PRDM10: variants seen among roughly 807,000 people sequenced by gnomAD.
PRDM10 encodes PR domain zinc finger protein 10.
PRDM10 carries 65 observed loss-of-function variants against 133.1 expected under a neutral mutation model. The observed-to-expected ratio is 0.49, with a 90% CI of 0.40 to 0.60. The LOEUF is 0.60. Among genes scored for constraint, PRDM10 ranks in the 20% least tolerant of loss-of-function variants. The pLI, the probability that PRDM10 is intolerant of heterozygous loss-of-function variation, is 0.00. For synonymous variants in PRDM10, 582 were observed against 580.4 expected (o/e 1.00, Z -0.04); for missense variants, 1,137 against 1,507.1 (o/e 0.75, Z 4.07).
intron 1 of PRDM10, among the ~76,000 whole-genome samples, chr11:129,997,014 C>A (rs370808447): frequency 1.1e-4 from 16 of 152,300 alleles, no homozygotes; most frequent in East Asian, 5.8e-4. Context: ...AACCTCTTTG[C>A]CCCTGAGGCA....
intron 1 of PRDM10, among the ~76,000 whole-genome samples, chr11:129,970,350 A>C (rs543254572): frequency 1.3e-5 from 2 of 152,280 alleles, no homozygotes; most frequent in African/African-American, 4.8e-5. Context: ...GAAAGAGGCG[A>C]AGCGACTTTG....
At chr11:129,985,809 A>AATATATATATATATATATAT (rs1555114095) in intron 1 of PRDM10, among the ~76,000 whole-genome samples, 15 of 61,082 alleles carry the variant, frequency 2.5e-4, no homozygotes, top group African/African-American at 6.5e-4. Context: ...AAAAAAAAAA[A>AATATATATATATATATATAT]ATATATATAT....
At chr11:129,972,997 T>C (rs1481587910) in intron 1 of PRDM10, among the ~76,000 whole-genome samples, 1 of 152,240 alleles carries the variant, frequency 6.6e-6, no homozygotes, top group African/African-American at 2.4e-5. Context: ...AAAATGTTTT[T>C]CACTTTTTTA....
At chr11:129,981,129 C>T (rs923872489) in intron 1 of PRDM10, among the ~76,000 whole-genome samples, 2 of 152,028 alleles carry the variant, frequency 1.3e-5, no homozygotes, top group African/African-American at 4.8e-5. Flanking sequence ...CCCGGGCCTC[C>T]CAAAGTGCTG....
intron 17 of PRDM10, 76 bp from the exon 18 acceptor site, chr11:129,912,301 G>C: frequency 7.3e-7 from 1 of 1,370,522 alleles, no homozygotes; most frequent in Non-Finnish European, 9.8e-7. Flanking sequence ...CAGAGAAAAG[G>C]TTCAGTTAAA....
chr11:129,927,176 CAAAAAAAAAAAAA>C (rs57015735), intron 11 of PRDM10, among the ~76,000 whole-genome samples: 5 of 79,368 alleles, frequency 6.3e-5, no homozygotes, highest in South Asian at 4.6e-4. Flanking sequence ...GACTCTGTCT[CAAAAAAAAAAAAA>C]AAAAAAAAAA....
At chr11:129,903,379 TA>T (rs10713202) in intron 20 of PRDM10, among the ~76,000 whole-genome samples, 83,052 of 149,934 alleles carry the variant, frequency 0.55, 24,251 homozygotes, top group African/African-American at 0.74. Context: ...TAAGGTCATT[TA>T]AAAAAACGCG....
chr11:129,998,279 G>C (rs1939164356), intron 1 of PRDM10, among the ~76,000 whole-genome samples: 1 of 152,038 alleles, frequency 6.6e-6, no homozygotes, highest in Non-Finnish European at 1.5e-5. Flanking sequence ...TACTAGACAG[G>C]ACAGCACAGG....
At position 129,942,555 on chromosome 11, in the gene PRDM10, C is replaced by A. The variant is rs145098486; in HGVS notation, c.837G>T (p.Thr279=). 16 of 1,614,022 alleles carry A rather than the reference C, an allele frequency of 9.9e-6. No homozygotes were observed. The highest frequency in any genetic ancestry group is 1.3e-5 in the Non-Finnish European group (15 of 1,179,954). The change falls in exon 7 of 21, where the codon ACG becomes ACT. Residue 279 remains threonine (T), a synonymous_variant. Coordinates refer to ENST00000360871, the MANE Select transcript of PRDM10 (RefSeq NM_199437.2). The part of the protein sequence containing the change: ...EDLWFELSDE[T]LCNWMMFVRP... ...GTACAAACATCATCCAGTTACAAAG[C>A]GTCTCATCAGACAACTCAAACCATA... is the stretch of plus-strand genomic sequence containing the variant.
At chr11:129,993,976 G>C (rs1001965831) in intron 1 of PRDM10, among the ~76,000 whole-genome samples, 2 of 151,934 alleles carry the variant, frequency 1.3e-5, no homozygotes, top group Non-Finnish European at 2.9e-5. Flanking sequence ...TTACAATATT[G>C]AATCTTCCAC....
At chr11:129,926,356 G>A (rs991726265) in intron 11 of PRDM10, among the ~76,000 whole-genome samples, 85 of 152,094 alleles carry the variant, frequency 5.6e-4, no homozygotes, top group Non-Finnish European at 1.2e-4. Flanking sequence ...TCATTCATCC[G>A]TTCCTCAGAA....
chr11:129,969,151 G>A (rs1361155238), intron 1 of PRDM10, among the ~76,000 whole-genome samples: 1 of 152,180 alleles, frequency 6.6e-6, no homozygotes, highest in Admixed American at 6.5e-5. Flanking sequence ...ACAAGCAATT[G>A]CTCATTTTTA....
At chr11:129,919,155 G>C (rs1950447360) in intron 13 of PRDM10, among the ~76,000 whole-genome samples, 1 of 152,170 alleles carries the variant, frequency 6.6e-6, no homozygotes, top group Non-Finnish European at 1.5e-5. Context: ...CGGATCACCT[G>C]AGGTCAGGAG....
At chr11:130,002,076 C>T (rs909735557) in intron 1 of PRDM10, among the ~76,000 whole-genome samples, 1 of 151,184 alleles carries the variant, frequency 6.6e-6, no homozygotes, top group African/African-American at 2.4e-5. Flanking sequence ...GAACAGGACC[C>T]TCCGCCCCAC....
At chr11:129,953,686 TG>T (rs1224580977) in intron 4 of PRDM10, among the ~76,000 whole-genome samples, 1 of 152,070 alleles carries the variant, frequency 6.6e-6, no homozygotes, top group Admixed American at 6.6e-5. Flanking sequence ...TTTTTATATT[TG>T]TATGTTTTTC....
At chr11:129,946,054 T>C (rs918327497) in intron 5 of PRDM10, among the ~76,000 whole-genome samples, 2 of 151,140 alleles carry the variant, frequency 1.3e-5, no homozygotes, top group Non-Finnish European at 2.9e-5. Context: ...CTCGCCAACA[T>C]GGTGAAACTC....
intron 3 of PRDM10, among the ~76,000 whole-genome samples, chr11:129,957,298 T>C (rs1412283868): frequency 1.3e-5 from 2 of 152,134 alleles, no homozygotes; most frequent in East Asian, 3.9e-4. Flanking sequence ...CTCTGCCAAG[T>C]TGGTTACAAG....
intron 1 of PRDM10, among the ~76,000 whole-genome samples, chr11:129,975,247 T>C (rs561752628): frequency 3.1e-3 from 472 of 152,056 alleles, no homozygotes; most frequent in African/African-American, 9.7e-3. Flanking sequence ...GCAAACACAG[T>C]GAAACCCCAT....
intron 6 of PRDM10, among the ~76,000 whole-genome samples, chr11:129,943,999 A>C (rs1951305591): frequency 6.6e-6 from 1 of 152,150 alleles, no homozygotes; most frequent in South Asian, 2.1e-4. Flanking sequence ...TCAAAAAATA[A>C]ATAAAATAAA....
Sources: allele counts gnomAD v4.1 joint callset (sites outside exome capture counted in the v4.1 genomes callset), GRCh38; gene constraint gnomAD v4.1.1; transcripts MANE v1.5; gene names NCBI Gene and HGNC (gene_info 2026-07-23, HGNC 2026-07-21).